Variants in PTN observed in about 807,000 individuals in gnomAD.
PTN encodes the protein heparin affin regulatory protein.
In PTN, 18 loss-of-function variants were observed where a neutral mutation model predicts 24.1. The observed-to-expected ratio is 0.75, with a 90% CI of 0.52 to 1.11. PTN has a LOEUF of 1.11. Among genes scored for constraint, PTN ranks in the 50% least tolerant of loss-of-function variants. The pLI is 0.00. For synonymous variants in PTN, 78 were observed against 68.6 expected (o/e 1.14, Z -0.67); for missense variants, 163 against 198.8 (o/e 0.82, Z 1.08).
chr7:137,293,883 T>C (rs1809678757), intron 1 of PTN, among the ~76,000 whole-genome samples: 2 of 152,156 alleles, frequency 1.3e-5, no homozygotes, highest in African/African-American at 4.8e-5. Context: ...TATAGCCTCA[T>C]ACAGAGATGT....
chr7:137,273,493 C>A (rs1175998097), intron 1 of PTN, among the ~76,000 whole-genome samples: 1 of 152,174 alleles, frequency 6.6e-6, no homozygotes, highest in Admixed American at 6.5e-5. Flanking sequence ...AGGGACAAGG[C>A]AGCAGGAAGG....
At chr7:137,247,720 T>C (rs1034650633) in intron 4 of PTN, among the ~76,000 whole-genome samples, 1 of 152,186 alleles carries the variant, frequency 6.6e-6, no homozygotes, top group African/African-American at 2.4e-5. Flanking sequence ...CTCCATAATA[T>C]GCTTATTTCA....
chr7:137,287,006 C>T (rs1242001664), intron 1 of PTN, among the ~76,000 whole-genome samples: 1 of 152,208 alleles, frequency 6.6e-6, no homozygotes, highest in East Asian at 1.9e-4. Flanking sequence ...TAGTTAATAC[C>T]AAAGCCAGAT....
chr7:137,318,509 A>C (rs1810110076), intron 1 of PTN: 1 of 152,224 alleles, frequency 6.6e-6, no homozygotes, highest in African/African-American at 2.4e-5. Flanking sequence ...CTCATCGTAT[A>C]TAATTTTAAG....
At chr7:137,306,965 C>G (rs891946411) in intron 1 of PTN, among the ~76,000 whole-genome samples, 1 of 151,960 alleles carries the variant, frequency 6.6e-6, no homozygotes, top group African/African-American at 2.4e-5. Flanking sequence ...GCCAGTGCCT[C>G]GCATTCCTCA....
intron 3 of PTN, among the ~76,000 whole-genome samples, 157 bp downstream of exon 3, chr7:137,253,307 T>C (rs563166397): frequency 5.1e-4 from 78 of 152,298 alleles, no homozygotes; most frequent in Middle Eastern, 3.4e-3. Flanking sequence ...CCACAACAAA[T>C]AATTGCCTGG....
intron 1 of PTN, among the ~76,000 whole-genome samples, chr7:137,302,749 A>G (rs565841576): frequency 2.0e-4 from 30 of 152,080 alleles, no homozygotes; most frequent in African/African-American, 6.5e-4. Context: ...AGGCATTTAC[A>G]TTTGAATTGT....
chr7:137,320,573 C>A (rs940719360), intron 1 of PTN, among the ~76,000 whole-genome samples: 1 of 151,842 alleles, frequency 6.6e-6, no homozygotes, highest in African/African-American at 2.4e-5. Context: ...GAAATAAAAA[C>A]GGGAAAAATT....
chr7:137,235,689 C>T (rs1309339642), intron 4 of PTN, among the ~76,000 whole-genome samples: 1 of 152,066 alleles, frequency 6.6e-6, no homozygotes, highest in Non-Finnish European at 1.5e-5. Context: ...TGTGTACATG[C>T]ATACTGCCCC....
At chr7:137,305,076 T>G (rs1379859005) in intron 1 of PTN, among the ~76,000 whole-genome samples, 6 of 152,054 alleles carry the variant, frequency 3.9e-5, no homozygotes, top group Non-Finnish European at 7.4e-5. Context: ...GCCAATGTCC[T>G]CACGTTCAAC....
At chr7:137,243,273 A>ACT (rs750721239) in intron 4 of PTN, among the ~76,000 whole-genome samples, 1 of 151,988 alleles carries the variant, frequency 6.6e-6, no homozygotes. Flanking sequence ...GCAGAGACAG[A>ACT]CTCTGTTTTC....
chr7:137,269,923 G>A lies in PTN; in HGVS notation c.-1-14949C>T, dbSNP rs561093594. Among the ~76,000 whole-genome samples the A allele has an allele frequency of 3.7e-4, 57 of 152,128 alleles. 2 individuals are homozygous for A. The South Asian group carries it at 7.3e-3, about 19-fold the overall frequency. On this transcript the variant is annotated intron_variant, in intron 1 of 4. Coordinates refer to ENST00000348225, the MANE Select transcript of PTN (RefSeq NM_002825.7). ...TGGGATTACAGGCGTGAGCCACCGC[G>A]CCCAGCCTGCTCCATCTATTTTTAT... is the stretch of plus-strand genomic sequence containing the variant.
At chr7:137,240,156 T>C (rs1223096082) in intron 4 of PTN, among the ~76,000 whole-genome samples, 2 of 152,192 alleles carry the variant, frequency 1.3e-5, no homozygotes, top group African/African-American at 4.8e-5. Flanking sequence ...AGGTCACTTA[T>C]GCCAAGAGGT....
At chr7:137,297,792 G>C (rs917163816) in intron 1 of PTN, among the ~76,000 whole-genome samples, 1 of 152,068 alleles carries the variant, frequency 6.6e-6, no homozygotes, top group Admixed American at 6.6e-5. Flanking sequence ...CCTCCTGATA[G>C]AGCAGAATAA....
At chr7:137,231,579 T>A (rs1808427408) in intron 4 of PTN, among the ~76,000 whole-genome samples, 1 of 151,976 alleles carries the variant, frequency 6.6e-6, no homozygotes, top group East Asian at 1.9e-4. Flanking sequence ...AGACCCTATC[T>A]GTATGTTGCA....
chr7:137,313,446 A>C (rs1480984328), intron 1 of PTN, among the ~76,000 whole-genome samples: 1 of 152,180 alleles, frequency 6.6e-6, no homozygotes, highest in Non-Finnish European at 1.5e-5. Flanking sequence ...GCGGCTCTGC[A>C]GTGTGTTTTT....
At chr7:137,261,041 A>G (rs987300788) in intron 1 of PTN, among the ~76,000 whole-genome samples, 8 of 151,832 alleles carry the variant, frequency 5.3e-5, no homozygotes, top group Non-Finnish European at 1.5e-5. Context: ...AAGATTATGA[A>G]TTTGCTCTCT....
chr7:137,339,062 G>T (rs1017414032), intron 1 of PTN, among the ~76,000 whole-genome samples: 1 of 151,924 alleles, frequency 6.6e-6, no homozygotes, highest in South Asian at 2.1e-4. Flanking sequence ...GAAAAAAGGA[G>T]TGCCCAAAGA....
chr7:137,273,902 G>A (rs1220168622), intron 1 of PTN, among the ~76,000 whole-genome samples: 1 of 151,998 alleles, frequency 6.6e-6, no homozygotes, highest in Non-Finnish European at 1.5e-5. Flanking sequence ...TTATTGTCCT[G>A]GTTTGTCTTT....
Sources: gnomAD v4.1 joint callset for allele counts (sites outside exome capture counted in the v4.1 genomes callset) on GRCh38, gnomAD v4.1.1 for gene constraint, MANE v1.5 for transcripts, NCBI Gene and HGNC (gene_info 2026-07-23, HGNC 2026-07-21) for gene names.